NTRK2: variants seen among roughly 807,000 people sequenced by gnomAD.
NTRK2 encodes BDNF/NT-3 growth factors receptor.
Under a neutral mutation model 94.5 loss-of-function variants are expected in NTRK2, and 13 were observed. The ratio of observed to expected loss-of-function variants is 0.14; its 90% confidence interval spans 0.09 to 0.22. The LOEUF is 0.22. NTRK2 is among the 10% of genes least tolerant of loss of function. The pLI, the probability that NTRK2 is intolerant of heterozygous loss-of-function variation, is 1.00. For missense variants in NTRK2, 639 were observed against 1,071.2 expected (o/e 0.60, Z 5.63); for synonymous variants, 372 against 407.4 (o/e 0.91, Z 1.05).
At chr9:84,872,029 C>T (rs2075884035) in intron 14 of NTRK2, 1 of 1,457,526 alleles carries the variant, frequency 6.9e-7, no homozygotes, top group East Asian at 2.5e-5. Context: ...CCTCAAAGTA[C>T]TATGCCACTT....
intron 12 of NTRK2, among the ~76,000 whole-genome samples, chr9:84,794,634 TGTTA>T (rs1230540540): frequency 6.6e-6 from 1 of 152,160 alleles, no homozygotes; most frequent in East Asian, 1.9e-4. Flanking sequence ...TGCATAAAAA[TGTTA>T]GTTACTCTCC....
intron 14 of NTRK2, among the ~76,000 whole-genome samples, chr9:84,900,424 G>A (rs1032908139): frequency 6.6e-6 from 1 of 152,122 alleles, no homozygotes; most frequent in Non-Finnish European, 1.5e-5. Context: ...GCATTCACAG[G>A]GTTGAGGCTA....
intron 7 of NTRK2, 78 bp downstream of exon 7, chr9:84,723,787 T>A: frequency 6.4e-7 from 1 of 1,561,426 alleles, no homozygotes; most frequent in Non-Finnish European, 8.8e-7. Context: ...AACCTAGTGA[T>A]GATCATTTGA....
intron 12 of NTRK2, among the ~76,000 whole-genome samples, chr9:84,761,056 A>T (rs2065521483): frequency 6.6e-6 from 1 of 152,214 alleles, no homozygotes; most frequent in Non-Finnish European, 1.5e-5. Flanking sequence ...ACAGTGGTGG[A>T]AGACCTTTGT....
In NTRK2 at chr9:84,931,716, C is replaced by CAAAAAAAA. The variant is rs11395381; in HGVS notation, c.1634-2439_1634-2432dup. Among the ~76,000 whole-genome samples the CAAAAAAAA allele has an allele frequency of 1.6e-3, 156 of 100,264 alleles. 3 individuals are homozygous for CAAAAAAAA. The highest frequency in any genetic ancestry group is 3.4e-3 in the African/African-American group (106 of 31,034). The allele number at this position is 100,264 out of a possible 152,430, so 65.8% of individuals were successfully genotyped here. The stretch of plus-strand genomic sequence containing the variant: ...AAGAAAGAAGGTATGTAATAAAATG[C>CAAAAAAAA]AAAAAAAAAAAAAACAAAAAAAACC... On this transcript the variant is annotated intron_variant, in intron 14 of 18. Transcript: ENST00000277120.
chr9:84,874,593 G>A (rs201150814), intron 14 of NTRK2: 34 of 1,062,470 alleles, frequency 3.2e-5, no homozygotes, highest in Non-Finnish European at 3.8e-5. Flanking sequence ...GGCAAGAGAA[G>A]AAACACTTTC....
At chr9:84,679,878 C>G (rs2131379642) in intron 2 of NTRK2, among the ~76,000 whole-genome samples, 1 of 152,244 alleles carries the variant, frequency 6.6e-6, no homozygotes, top group South Asian at 2.1e-4. Context: ...TGGGTGACAG[C>G]CCTTCCATGG....
intron 17 of NTRK2, among the ~76,000 whole-genome samples, chr9:85,014,179 T>C (rs985830124): frequency 6.6e-6 from 1 of 151,832 alleles, no homozygotes; most frequent in Non-Finnish European, 1.5e-5. Flanking sequence ...AGGAGATTCA[T>C]AGGGAAGTAG....
Position 85,026,277 on chromosome 9 carries a change from T to C in NTRK2, c.*4840T>C, listed in dbSNP as rs1406619778. 3.5e-5 allele frequency: 8 copies of C among 231,662 alleles called. No individual in the cohort carries two copies. Among genetic ancestry groups the C allele is most frequent in the Non-Finnish European group, 6.0e-5 (7 of 117,174 alleles). 14.4% of individuals were successfully genotyped at this position (231,662 alleles called of 1,614,324 possible). A position where few individuals can be genotyped will look rare whatever the true frequency, so the allele number is the denominator to read the frequency against. ...GAGAAAAGATGGGGATGTCATTTTTTAGTCTATGCGTTTGAGGCCAGGTCC... is the reference window on the plus strand; with the variant it reads ...GAGAAAAGATGGGGATGTCATTTTTCAGTCTATGCGTTTGAGGCCAGGTCC... On this transcript the variant is annotated 3_prime_UTR_variant, in exon 19 of 19. Coordinates refer to ENST00000277120, the MANE Select transcript of NTRK2 (RefSeq NM_006180.6).
Position 84,751,925 on chromosome 9 carries a change from A to G in NTRK2, c.1297-61A>G. ...CATTATCATCGTCATGATCATCATC[A>G]CCATATGATTATAGGGAACTAATTA... On this transcript the variant is annotated intron_variant, in intron 11 of 18. Coordinates refer to ENST00000277120, the MANE Select transcript of NTRK2 (RefSeq NM_006180.6). 12 of 1,227,966 alleles carry G rather than the reference A, an allele frequency of 9.8e-6. No individual in the cohort carries two copies. The South Asian group carries it at 1.4e-4, about 15-fold the overall frequency. 76.1% of individuals were successfully genotyped at this position (1,227,966 alleles called of 1,614,324 possible).
intron 12 of NTRK2, 70 bp downstream of exon 12, chr9:84,752,155 A>G: frequency 8.5e-7 from 1 of 1,178,266 alleles, no homozygotes; most frequent in Non-Finnish European, 1.3e-6. Flanking sequence ...GCTAATTACC[A>G]CTAAAGAAGG....
chr9:84,962,540 C>T (rs182723267), intron 17 of NTRK2, among the ~76,000 whole-genome samples: 21 of 152,214 alleles, frequency 1.4e-4, no homozygotes, highest in African/African-American at 2.2e-4. Context: ...AGCCCCTATA[C>T]TTTATACGTA....
intron 4 of NTRK2, among the ~76,000 whole-genome samples, chr9:84,704,741 G>A (rs370089884): frequency 3.9e-5 from 6 of 152,156 alleles, no homozygotes; most frequent in East Asian, 3.8e-4. Flanking sequence ...AGAGAAATAG[G>A]CAAGTGCCAG....
rs187999750 is a variant in NTRK2 at position 84,686,436 on chromosome 9, G to T, written c.212+15476G>T. Among the ~76,000 whole-genome samples the T allele has an allele frequency of 8.5e-5, 13 of 152,336 alleles. No individual in the cohort carries two copies. In the East Asian group the frequency reaches 1.4e-3, roughly 16 times the overall value. On this transcript the variant is annotated intron_variant, in intron 2 of 18. Coordinates refer to ENST00000277120, the MANE Select transcript of NTRK2 (RefSeq NM_006180.6). ...ACAAACAAATAGGTCTAATGAGAAA[G>T]ATTTGTGCCTTTTCTGTTAGGTAAT...
At chr9:84,894,947 A>G (rs2076715848) in intron 14 of NTRK2, among the ~76,000 whole-genome samples, 2 of 152,194 alleles carry the variant, frequency 1.3e-5, no homozygotes, top group African/African-American at 4.8e-5. Flanking sequence ...AAGAAAACAT[A>G]CAGGTTTATG....
At chr9:84,788,061 T>A (rs2068303688) in intron 12 of NTRK2, among the ~76,000 whole-genome samples, 1 of 152,174 alleles carries the variant, frequency 6.6e-6, no homozygotes, top group South Asian at 2.1e-4. Context: ...CTAAAAAGCT[T>A]GGCATATGGT....
chr9:84,849,436 C>T (rs1343331580), intron 12 of NTRK2, among the ~76,000 whole-genome samples: 1 of 152,112 alleles, frequency 6.6e-6, no homozygotes, highest in African/African-American at 2.4e-5. Context: ...GAAGGAGAGG[C>T]AAGAAGAGCA....
intron 14 of NTRK2, among the ~76,000 whole-genome samples, chr9:84,882,717 T>TGC (rs1010534010): frequency 5.6e-5 from 8 of 143,946 alleles, no homozygotes; most frequent in African/African-American, 1.1e-4. Context: ...TGTGTGTGTG[T>TGC]GTGCGCGCGC....
At chr9:84,681,030 T>G (rs2059358954) in intron 2 of NTRK2, among the ~76,000 whole-genome samples, 1 of 152,182 alleles carries the variant, frequency 6.6e-6, no homozygotes, top group South Asian at 2.1e-4. Flanking sequence ...CCTTAAAAGT[T>G]TATGTCCCTT....
Sources: gnomAD v4.1 joint callset for allele counts (sites outside exome capture counted in the v4.1 genomes callset) on GRCh38, gnomAD v4.1.1 for gene constraint, MANE v1.5 for transcripts, NCBI Gene and HGNC (gene_info 2026-07-23, HGNC 2026-07-21) for gene names.